The following SP140L variants were observed in gnomAD, a reference collection of about 807,000 sequenced individuals.
The protein encoded by SP140L is SP140 like nuclear body protein.
In SP140L, 64 loss-of-function variants were observed where a neutral mutation model predicts 84.3. The observed-to-expected ratio is 0.76, with a 90% CI of 0.62 to 0.94. SP140L has a LOEUF of 0.94. Among genes scored for constraint, SP140L ranks in the 40% least tolerant of loss-of-function variants. The pLI, the probability that SP140L is intolerant of heterozygous loss-of-function variation, is 0.00. For missense variants in SP140L, 628 were observed against 692.5 expected (o/e 0.91, Z 1.05); for synonymous variants, 242 against 236.9 (o/e 1.02, Z -0.20).
At chr2:230,342,531 T>C (rs748956577) in intron 2 of SP140L, among the ~76,000 whole-genome samples, 5 of 152,230 alleles carry the variant, frequency 3.3e-5, no homozygotes, top group Admixed American at 1.3e-4. Context: ...TGCGTTTTTC[T>C]TTAATGGAAA....
chr2:230,370,887 C>A, intron 5 of SP140L, 21 bp from the exon 6 acceptor site: 1 of 1,611,580 alleles, frequency 6.2e-7, no homozygotes, highest in South Asian at 1.1e-5. Context: ...GAGAAGTGTT[C>A]CTATGTCATG....
intron 2 of SP140L, among the ~76,000 whole-genome samples, chr2:230,330,763 T>C (rs185188586): frequency 6.6e-6 from 1 of 152,346 alleles, no homozygotes; most frequent in African/African-American, 2.4e-5. Flanking sequence ...TGAGGTTTCA[T>C]TTAGTCATAG....
At chr2:230,357,126 G>A (rs541514669) in intron 2 of SP140L, among the ~76,000 whole-genome samples, 12 of 152,184 alleles carry the variant, frequency 7.9e-5, no homozygotes, top group Non-Finnish European at 1.2e-4. Flanking sequence ...AAAAGGAAAC[G>A]GCAGCGATTT....
intron 5 of SP140L, among the ~76,000 whole-genome samples, chr2:230,362,130 C>T (rs913957605): frequency 6.6e-6 from 1 of 152,130 alleles, no homozygotes; most frequent in Non-Finnish European, 1.5e-5. Flanking sequence ...ACTTTTGACA[C>T]CAAACATGTG....
intron 2 of SP140L, among the ~76,000 whole-genome samples, chr2:230,351,024 G>T (rs2060348314): frequency 6.6e-6 from 1 of 151,676 alleles, no homozygotes; most frequent in Non-Finnish European, 1.5e-5. Flanking sequence ...TTTGAACAGT[G>T]TAAGGATCTG....
At position 230,401,005 on chromosome 2, in the gene SP140L, A is replaced by C. The variant is rs1459972383; in HGVS notation, c.1364A>C (p.Gln455Pro). The C allele has an allele frequency of 6.6e-7, 1 of 1,519,254 alleles. No homozygotes were observed. Among genetic ancestry groups the C allele is most frequent in the East Asian group, 2.3e-5 (1 of 42,798 alleles). The allele number at this position is 1,519,254 out of a possible 1,614,324, so 94.1% of individuals were successfully genotyped here. A position where few individuals can be genotyped will look rare whatever the true frequency, so the allele number is the denominator to read the frequency against. ...FCRMKESPGS[Q>P]QCCQESEVLE... ...AGGATGAAGGAGTCTCCGGGAAGCC[A>C]ACAGTGTTGTCAGGAATCTGAGGTC... is the stretch of plus-strand genomic sequence containing the variant. The change falls in exon 16 of 19, where the codon CAA (glutamine) becomes CCA (proline). Residue 455 changes from glutamine to proline, a missense_variant. Gln to Pro is a moderately conservative substitution (Grantham distance 76). Transcript: ENST00000415673.
intron 2 of SP140L, among the ~76,000 whole-genome samples, chr2:230,337,531 G>A (rs574812890): frequency 0.024 from 3,662 of 151,548 alleles, 166 homozygotes; most frequent in African/African-American, 0.084. Flanking sequence ...GTCTTTTGTT[G>A]CCATTGCTTT....
At chr2:230,329,160 CAG>C (rs1448904594) in intron 2 of SP140L, among the ~76,000 whole-genome samples, 1 of 152,156 alleles carries the variant, frequency 6.6e-6, no homozygotes, top group Non-Finnish European at 1.5e-5. Flanking sequence ...AATAGTGATG[CAG>C]AGAGTTGCTG....
chr2:230,328,738 T>C lies in SP140L; in HGVS notation c.33-19T>C, dbSNP rs368311523. The C allele has an allele frequency of 3.7e-6, 6 of 1,610,486 alleles. No individual in the cohort carries two copies. Among genetic ancestry groups the C allele is most frequent in the Non-Finnish European group, 5.1e-6 (6 of 1,178,426 alleles). ...CTGTTATTTACTTGTTTATAGATCCTGCCAAATTGTCTTTTTAGGGGGCTG... is the reference window on the plus strand; with the variant it reads ...CTGTTATTTACTTGTTTATAGATCCCGCCAAATTGTCTTTTTAGGGGGCTG... On this transcript the variant is annotated intron_variant, in intron 1 of 18. Coordinates refer to ENST00000415673, the MANE Select transcript of SP140L (RefSeq NM_138402.6).
intron 3 of SP140L, among the ~76,000 whole-genome samples, chr2:230,358,350 T>C (rs2060612707): frequency 6.6e-6 from 1 of 152,242 alleles, no homozygotes; most frequent in South Asian, 2.1e-4. Context: ...AATTGGTGTC[T>C]AGAGAGGACA....
At chr2:230,328,559 A>G (rs890680521) in intron 1 of SP140L, among the ~76,000 whole-genome samples, 198 bp from the exon 2 acceptor site, 3 of 152,204 alleles carry the variant, frequency 2.0e-5, no homozygotes, top group Non-Finnish European at 4.4e-5. Context: ...TTTTTTAACC[A>G]TTCTCCAATT....
chr2:230,334,767 G>A (rs2059820900), intron 2 of SP140L, among the ~76,000 whole-genome samples: 1 of 151,976 alleles, frequency 6.6e-6, no homozygotes, highest in African/African-American at 2.4e-5. Context: ...CCTGTTCCTT[G>A]AAGGATTGCT....
intron 7 of SP140L, among the ~76,000 whole-genome samples, chr2:230,378,689 T>C (rs1235931754): frequency 6.6e-6 from 1 of 152,262 alleles, no homozygotes; most frequent in Non-Finnish European, 1.5e-5. Flanking sequence ...ATGTGTTAAA[T>C]GTTCCTTTGC....
intron 3 of SP140L, 35 bp downstream of exon 3, chr2:230,358,002 G>A: frequency 6.2e-7 from 1 of 1,605,538 alleles, no homozygotes; most frequent in Non-Finnish European, 8.5e-7. Context: ...TGGCAGATAT[G>A]CTTTCATATT....
rs6436928 is a variant in SP140L, at chr2:230,369,931, A to T, written c.524-977A>T. On this transcript the variant is annotated intron_variant, in intron 5 of 18. Coordinates refer to ENST00000415673, the MANE Select transcript of SP140L (RefSeq NM_138402.6). The stretch of plus-strand genomic sequence containing the variant: ...TGGGATTACAGGCGCACGCCACCAC[A>T]CCCAGCTAATTTTTGTATTTTTAGT... 3.3e-5 allele frequency among the ~76,000 whole-genome samples: 5 copies of T among 151,218 alleles called. No individual in the cohort carries two copies. The South Asian group carries it at 8.3e-4, about 25-fold the overall frequency.
In SP140L at chr2:230,403,209, C is replaced by CA. The variant is rs2062431634; in HGVS notation, c.*313_*314insA. 141 of 224,104 alleles carry CA rather than the reference C, an allele frequency of 6.3e-4. No homozygotes were observed. The highest frequency in any genetic ancestry group is 6.0e-3 in the Middle Eastern group (4 of 666). The allele number at this position is 224,104 out of a possible 1,614,324, so 13.9% of individuals were successfully genotyped here. On this transcript the variant is annotated 3_prime_UTR_variant, in exon 19 of 19. Coordinates refer to ENST00000415673, the MANE Select transcript of SP140L (RefSeq NM_138402.6). ...TATTACTCACAAGACCTTTTTCCTC[C>CA]GTTTTTTTTTTGAGATGGAGTCTCA...
rs1242687264 is a variant in SP140L at position 230,389,869 on chromosome 2, G to A, written c.860-50G>A. On this transcript the variant is annotated intron_variant, in intron 10 of 18. Coordinates refer to ENST00000415673, the MANE Select transcript of SP140L (RefSeq NM_138402.6). ...ATAGGATTTACCTCAGTGGGAAGGGGGGATGTGCCTTTGCAAAGTGAGACA... is the reference window on the plus strand; with the variant it reads ...ATAGGATTTACCTCAGTGGGAAGGGAGGATGTGCCTTTGCAAAGTGAGACA... 1.9e-6 allele frequency: 3 copies of A among 1,551,380 alleles called. No homozygotes were observed. The East Asian group carries it at 6.7e-5, about 35-fold the overall frequency.
At chr2:230,329,511 G>C (rs1213138416) in intron 2 of SP140L, among the ~76,000 whole-genome samples, 1 of 152,186 alleles carries the variant, frequency 6.6e-6, no homozygotes, top group African/African-American at 2.4e-5. Context: ...CAGGTGTTGA[G>C]AGAGGGACCT....
chr2:230,345,592 T>G (rs1285256954), intron 2 of SP140L, among the ~76,000 whole-genome samples: 2 of 151,926 alleles, frequency 1.3e-5, no homozygotes, highest in Non-Finnish European at 2.9e-5. Context: ...CTTTTTTTTT[T>G]TTCCTTTCTT....
Sources: allele counts gnomAD v4.1 joint callset (sites outside exome capture counted in the v4.1 genomes callset), GRCh38; gene constraint gnomAD v4.1.1; transcripts MANE v1.5; gene names NCBI Gene and HGNC (gene_info 2026-07-23, HGNC 2026-07-21).